CREBBP: variants seen among roughly 807,000 people sequenced by gnomAD.
The protein encoded by CREBBP is CREB binding lysine acetyltransferase.
A neutral mutation model predicts 265.0 loss-of-function variants in CREBBP; 19 were observed. The observed-to-expected ratio is 0.07, with a 90% CI of 0.05 to 0.11. The LOEUF (loss-of-function observed/expected upper bound fraction) is 0.11. CREBBP is among the 10% of genes least tolerant of loss of function. The probability of loss-of-function intolerance (pLI) is 1.00; values close to 1 mark genes in which losing one functional copy is unlikely to be tolerated. For missense variants in CREBBP, 2,525 were observed against 3,219.0 expected, an observed-to-expected ratio of 0.78 and a Z score of 5.22; for synonymous variants, 1,457 against 1,223.7, an observed-to-expected ratio of 1.19 and a Z score of -3.98.
At chr16:3,794,083 T>C (rs2053558170) in intron 3 of CREBBP, among the ~76,000 whole-genome samples, 1 of 150,618 alleles carries the variant, frequency 6.6e-6, no homozygotes, top group Non-Finnish European at 1.5e-5. Flanking sequence ...ATCTCAGCAC[T>C]CTGGGAGGCC....
chr16:3,745,096 G>T, intron 22 of CREBBP, 135 bp from the exon 23 acceptor site: 2 of 899,250 alleles, frequency 2.2e-6, no homozygotes, highest in Non-Finnish European at 3.6e-6. Context: ...GAGGCAGACT[G>T]CTTTGATTCC....
rs566018877 is a variant in CREBBP, at chr16:3,865,541, T to C, written c.85+14291A>G. 9.4e-4 allele frequency among the ~76,000 whole-genome samples: 143 copies of C among 152,296 alleles called. 1 individual carries two copies. The highest frequency in any genetic ancestry group is 3.2e-3 in the African/African-American group (131 of 41,574). On this transcript the variant is annotated intron_variant, in intron 1 of 30. Transcript: ENST00000262367. The stretch of plus-strand genomic sequence containing the variant: ...GACAGCACTACTTCCAGTGGTTACC[T>C]GGGAGGAGCTAGGTGGAGGGAGGCT...
chr16:3,730,413 C>T (rs375897275), intron 30 of CREBBP: 9 of 166,310 alleles, frequency 5.4e-5, no homozygotes, highest in East Asian at 1.7e-4. Context: ...CTGAGCTATC[C>T]GCAGTGCACC....
intron 2 of CREBBP, among the ~76,000 whole-genome samples, chr16:3,831,942 A>T (rs2141416104): frequency 6.6e-6 from 1 of 152,218 alleles, no homozygotes; most frequent in Non-Finnish European, 1.5e-5. Flanking sequence ...GGCTGCAGTG[A>T]ACTGAGATGA....
Position 3,728,997 on chromosome 16 carries a change from G to A in CREBBP, c.6050C>T (p.Pro2017Leu), listed in dbSNP as rs368367342. The A allele has an allele frequency of 6.3e-7, 1 of 1,594,194 alleles. No homozygotes were observed. The change falls in exon 31 of 31, where the codon CCT becomes CTT. Residue 2017 changes from proline to leucine, a missense_variant. Physicochemically the swap from Pro to Leu is moderately conservative, Grantham distance 98. Transcript: ENST00000262367. This position sits in a 1 kb window ranked among gnomAD's most constrained non-coding sequence, Gnocchi z 8.7. ...QVSGPVMPSMPPGQWQQAPLP... is the reference protein window; with the variant it reads ...QVSGPVMPSMLPGQWQQAPLP... ...GGGCGCCTGCTGCCACTGCCCGGGA[G>A]GCATGCTGGGCATGACGGGCCCGCT...
At chr16:3,862,402 A>G (rs1009257779) in intron 1 of CREBBP, among the ~76,000 whole-genome samples, 1 of 152,108 alleles carries the variant, frequency 6.6e-6, no homozygotes, top group Non-Finnish European at 1.5e-5. Flanking sequence ...TCACTACGGT[A>G]GGCAGGCTTG....
At chr16:3,746,822 G>A (rs565256496) in intron 21 of CREBBP, among the ~76,000 whole-genome samples, 3 of 152,296 alleles carry the variant, frequency 2.0e-5, no homozygotes, top group South Asian at 4.1e-4. Flanking sequence ...GTGTGTGCCT[G>A]TAGTCCCAGT....
chr16:3,772,095 C>A (rs900224357), intron 13 of CREBBP, among the ~76,000 whole-genome samples: 1 of 152,052 alleles, frequency 6.6e-6, no homozygotes, highest in South Asian at 2.1e-4. Context: ...GGGGGAGCTA[C>A]TGTACATTGA....
At chr16:3,820,895 C>G (rs1463921361) in intron 2 of CREBBP, among the ~76,000 whole-genome samples, 1 of 152,208 alleles carries the variant, frequency 6.6e-6, no homozygotes, top group East Asian at 1.9e-4. Context: ...TGTATCCTCA[C>G]TGTTAGTCAC....
chr16:3,781,861 T>C (rs1411456481), intron 6 of CREBBP, among the ~76,000 whole-genome samples: 1 of 152,236 alleles, frequency 6.6e-6, no homozygotes, highest in Non-Finnish European at 1.5e-5. Context: ...GGTCTCAGGA[T>C]TCTAACTCAG....
intron 13 of CREBBP, 130 bp downstream of exon 13, chr16:3,773,621 G>T: frequency 2.1e-6 from 2 of 948,814 alleles, no homozygotes; most frequent in Non-Finnish European, 1.6e-6. Flanking sequence ...ACAAAGAGAA[G>T]CTGATACAAA....
At chr16:3,861,230 T>C (rs1025120500) in intron 1 of CREBBP, among the ~76,000 whole-genome samples, 13 of 152,014 alleles carry the variant, frequency 8.6e-5, no homozygotes, top group East Asian at 1.9e-4. Context: ...GATCGCGCCA[T>C]TGCACTCCAG....
intron 2 of CREBBP, among the ~76,000 whole-genome samples, chr16:3,836,433 C>CAAAAAAAAAA (rs564007443): frequency 3.7e-5 from 2 of 53,742 alleles, no homozygotes; most frequent in Non-Finnish European, 8.0e-5. Flanking sequence ...GACTGTGTCT[C>CAAAAAAAAAA]AAAAAAAAAA....
intron 13 of CREBBP, among the ~76,000 whole-genome samples, chr16:3,771,561 TCCACTCGGATACATTCCAAGACCC>T (rs1228402107): frequency 6.6e-6 from 1 of 151,982 alleles, no homozygotes; most frequent in Non-Finnish European, 1.5e-5. Flanking sequence ...TCCCCTCATA[TCCACTCGGATACATTCCAAGACCC>T]CCAGTCTTGG....
intron 10 of CREBBP, 71 bp from the exon 11 acceptor site, chr16:3,777,728 G>C: frequency 6.4e-7 from 1 of 1,567,206 alleles, no homozygotes; most frequent in Admixed American, 1.7e-5. Context: ...TTCAGGAATA[G>C]GAAATTTCTT....
chr16:3,782,791 C>A lies in CREBBP; in HGVS notation c.1466G>T (p.Gly489Val). Reference protein sequence around the residue: ...SSMQRAYAALGLPYMNQPQTQ... With the variant: ...SSMQRAYAALVLPYMNQPQTQ... ...CTGGGGCTGGTTCATGTAGGGGAGT[C>A]CGAGAGCAGCATAGGCTCGCTGCAT... Residue 489 changes from glycine (G) to valine (V), a missense_variant, in exon 6 of 31, where the codon GGA becomes GTA. Physicochemically the swap from Gly to Val is moderately radical, Grantham distance 109. This residue lies in a region of CREBBP where 48 missense variants were observed against 70.2 expected (regional missense o/e 0.68). Coordinates refer to ENST00000262367, the MANE Select transcript of CREBBP (RefSeq NM_004380.3). The A allele has an allele frequency of 6.2e-7, 1 of 1,614,078 alleles. No individual in the cohort carries two copies. The highest frequency in any genetic ancestry group is 8.5e-7 in the Non-Finnish European group (1 of 1,180,032).
In CREBBP at chr16:3,728,564, C is replaced by T. The variant is rs555129689; in HGVS notation, c.6483G>A (p.Met2161Ile). 6.2e-7 allele frequency: 1 copy of T among 1,614,038 alleles called. No individual in the cohort carries two copies. The highest frequency in any genetic ancestry group is 8.5e-7 in the Non-Finnish European group (1 of 1,179,996). ...RPGVPPQQQAMGGLNPQGQAL... is the reference protein window; with the variant it reads ...RPGVPPQQQAIGGLNPQGQAL... Reference sequence around the variant, plus strand: ...CCTGGCCCTGGGGGTTCAGGCCTCCCATCGCCTGCTGCTGTGGAGGCACAC... The same window carrying T: ...CCTGGCCCTGGGGGTTCAGGCCTCCTATCGCCTGCTGCTGTGGAGGCACAC... The change falls in exon 31 of 31, where the codon ATG becomes ATA. Residue 2161 changes from methionine to isoleucine, a missense_variant. Met to Ile is a conservative substitution (Grantham distance 10). Coordinates refer to ENST00000262367, the MANE Select transcript of CREBBP (RefSeq NM_004380.3). The surrounding 1 kb of genome is among the most constrained non-coding windows in gnomAD (Gnocchi z 8.7).
intron 1 of CREBBP, among the ~76,000 whole-genome samples, chr16:3,851,860 C>CAAAAAAAAAAAAAAAAAAA (rs1159688899): frequency 6.9e-5 from 2 of 28,964 alleles, no homozygotes; most frequent in African/African-American, 2.5e-4. Flanking sequence ...GACTCCGTCT[C>CAAAAAAAAAAAAAAAAAAA]AAAAAAAAAA....
intron 1 of CREBBP, among the ~76,000 whole-genome samples, chr16:3,872,758 G>A (rs1451490726): frequency 6.6e-6 from 1 of 152,216 alleles, no homozygotes; most frequent in Admixed American, 6.5e-5. Context: ...CGATACCCCA[G>A]GAAACAAACT....
Sources: gnomAD v4.1 joint callset for allele counts (sites outside exome capture counted in the v4.1 genomes callset) on GRCh38, gnomAD v4.1.1 for gene constraint, gnomAD v4.1.1 regional missense constraint, Gnocchi (gnomAD v3.1) non-coding constraint, MANE v1.5 for transcripts, NCBI Gene and HGNC (gene_info 2026-07-23, HGNC 2026-07-21) for gene names.